PRDM16: variants seen among roughly 807,000 people sequenced by gnomAD.
The protein encoded by PRDM16 is histone-lysine N-methyltransferase PRDM16.
PRDM16 carries 23 observed loss-of-function variants against 110.6 expected under a neutral mutation model. The observed-to-expected ratio is 0.21, with a 90% CI of 0.15 to 0.29. The LOEUF (loss-of-function observed/expected upper bound fraction) is 0.29. Ranked by LOEUF, PRDM16 falls within the 10% of genes least tolerant of loss-of-function variation. PRDM16 has a pLI of 1.00. For missense variants in PRDM16, 1,615 were observed against 1,794.3 expected, an observed-to-expected ratio of 0.90 and a Z score of 1.81; for synonymous variants, 799 against 781.8, an observed-to-expected ratio of 1.02 and a Z score of -0.37.
intron 1 of PRDM16, among the ~76,000 whole-genome samples, chr1:3,082,832 G>T (rs928240586): frequency 1.3e-5 from 2 of 152,230 alleles, no homozygotes; most frequent in African/African-American, 4.8e-5. Flanking sequence ...GGAAAGCGAT[G>T]GGGCCGGCGC....
At chr1:3,239,188 G>A (rs1488592909) in intron 2 of PRDM16, among the ~76,000 whole-genome samples, 1 of 152,232 alleles carries the variant, frequency 6.6e-6, no homozygotes, top group Non-Finnish European at 1.5e-5. Flanking sequence ...AGAAAGGGAG[G>A]ATGTGTGGGT....
At chr1:3,396,230 CT>C in intron 4 of PRDM16, 1 of 532,892 alleles carries the variant, frequency 1.9e-6, no homozygotes, top group East Asian at 4.6e-5. Context: ...CAGCTGGGAA[CT>C]TTCATGTGGA....
intron 3 of PRDM16, among the ~76,000 whole-genome samples, chr1:3,321,735 A>G (rs182712291): frequency 1.3e-5 from 2 of 148,518 alleles, no homozygotes; most frequent in Non-Finnish European, 3.0e-5. Context: ...TGTGACGTAC[A>G]TGTGTGCGGT....
chr1:3,078,338 G>A (rs1438104518), intron 1 of PRDM16, among the ~76,000 whole-genome samples: 2 of 152,214 alleles, frequency 1.3e-5, no homozygotes, highest in South Asian at 2.1e-4. Flanking sequence ...GTGGCGAGTC[G>A]GGGCTCAGCA....
intron 4 of PRDM16, among the ~76,000 whole-genome samples, chr1:3,388,723 C>T (rs1326770318): frequency 6.6e-6 from 1 of 152,230 alleles, no homozygotes; most frequent in Non-Finnish European, 1.5e-5. Context: ...CTTAAGCAAA[C>T]TCTGGGGCCT....
chr1:3,250,166 G>A (rs909749429), intron 3 of PRDM16, among the ~76,000 whole-genome samples: 5 of 135,550 alleles, frequency 3.7e-5, no homozygotes, highest in Non-Finnish European at 4.6e-5. Flanking sequence ...CAACTGTTGC[G>A]GCTTGTCTGG....
At chr1:3,392,971 C>T (rs1643322073) in intron 4 of PRDM16, among the ~76,000 whole-genome samples, 1 of 152,228 alleles carries the variant, frequency 6.6e-6, no homozygotes, top group Non-Finnish European at 1.5e-5. Flanking sequence ...GTGTTGTTCA[C>T]CCACGTTCAG....
At chr1:3,184,650 G>A (rs987075392) in intron 1 of PRDM16, among the ~76,000 whole-genome samples, 14 of 152,104 alleles carry the variant, frequency 9.2e-5, no homozygotes, top group South Asian at 2.1e-4. Context: ...CCAGCAGTGC[G>A]ACCACCCCCT....
At chr1:3,417,773 C>A (rs1457168420) in intron 10 of PRDM16, 55 bp from the exon 11 acceptor site, 1 of 1,531,572 alleles carries the variant, frequency 6.5e-7, no homozygotes, top group Non-Finnish European at 9.0e-7. Context: ...GTGCGTGCCC[C>A]TGAAGACAGG....
At chr1:3,237,601 G>A (rs1209727204) in intron 2 of PRDM16, among the ~76,000 whole-genome samples, 2 of 152,232 alleles carry the variant, frequency 1.3e-5, no homozygotes, top group Non-Finnish European at 2.9e-5. Flanking sequence ...ATGAGGACAT[G>A]AAGGGGTGTG....
At chr1:3,344,321 A>G (rs1422199132) in intron 3 of PRDM16, among the ~76,000 whole-genome samples, 1 of 152,214 alleles carries the variant, frequency 6.6e-6, no homozygotes, top group Non-Finnish European at 1.5e-5. Context: ...CTAAAAAAAA[A>G]ACTAAGCCTA....
At chr1:3,146,506 A>AGTGTGTGTGCTCGGTGTGGG (rs1491148670) in intron 1 of PRDM16, among the ~76,000 whole-genome samples, 3 of 136,692 alleles carry the variant, frequency 2.2e-5, no homozygotes, top group African/African-American at 8.4e-5. Flanking sequence ...TATGTGTGCA[A>AGTGTGTGTGCTCGGTGTGGG]GTGTGTGTGC....
At chr1:3,388,789 T>C (rs2100613172) in intron 4 of PRDM16, among the ~76,000 whole-genome samples, 1 of 152,306 alleles carries the variant, frequency 6.6e-6, no homozygotes, top group South Asian at 2.1e-4. Context: ...AGGGGCACTT[T>C]GGAGGCGGGG....
At position 3,081,465 on chromosome 1, in the gene PRDM16, T is replaced by C. The variant is rs1278364801; in HGVS notation, c.37+12169T>C. Among the ~76,000 whole-genome samples, 2 of 152,170 alleles carry C rather than the reference T, an allele frequency of 1.3e-5. No individual in the cohort carries two copies. Among genetic ancestry groups the C allele is most frequent in the East Asian group, 3.9e-4 (2 of 5,170 alleles). Reference sequence around the variant, plus strand: ...CTCCTTGTCCCACCAGACCGAGCTGTGGCCGTGTGAGGAGCAGGGCTGAGG... The same window carrying C: ...CTCCTTGTCCCACCAGACCGAGCTGCGGCCGTGTGAGGAGCAGGGCTGAGG... On this transcript the variant is annotated intron_variant, in intron 1 of 16. Transcript: ENST00000270722. The surrounding 1 kb of genome is among the most constrained non-coding windows in gnomAD (Gnocchi z 4.6).
rs12090135 is a variant in PRDM16, at chr1:3,191,752, G to A, written c.387+5278G>A. ...AGGTGATAGGATGACGATGGAGTGGGGTGAGGGCAGCCCAGCCAGGCACCT... is the reference window on the plus strand; with the variant it reads ...AGGTGATAGGATGACGATGGAGTGGAGTGAGGGCAGCCCAGCCAGGCACCT... On this transcript the variant is annotated intron_variant, in intron 2 of 16. Coordinates refer to ENST00000270722, the MANE Select transcript of PRDM16 (RefSeq NM_022114.4). 1.2e-3 allele frequency among the ~76,000 whole-genome samples: 190 copies of A among 152,280 alleles called. 1 individual carries two copies. Among genetic ancestry groups the A allele is most frequent in the African/African-American group, 4.2e-3 (175 of 41,542 alleles).
chr1:3,074,119 C>T (rs1641835289), intron 1 of PRDM16, among the ~76,000 whole-genome samples: 1 of 152,364 alleles, frequency 6.6e-6, no homozygotes, highest in South Asian at 2.1e-4. Flanking sequence ...TGATCCGCAG[C>T]CCCGGCCCCT....
intron 1 of PRDM16, among the ~76,000 whole-genome samples, chr1:3,184,733 C>T (rs1226120255): frequency 2.0e-5 from 3 of 152,206 alleles, no homozygotes; most frequent in South Asian, 2.1e-4. Flanking sequence ...CCCCAGTCCC[C>T]GAGATCTCCC....
chr1:3,325,953 T>A (rs933112429), intron 3 of PRDM16, among the ~76,000 whole-genome samples: 1 of 145,622 alleles, frequency 6.9e-6, no homozygotes, highest in African/African-American at 2.6e-5. Context: ...TTGGCCATCC[T>A]CGACGATCCT....
intron 2 of PRDM16, among the ~76,000 whole-genome samples, chr1:3,225,549 T>A (rs1195087769): frequency 6.7e-6 from 1 of 148,706 alleles, no homozygotes; most frequent in African/African-American, 2.6e-5. Flanking sequence ...TGTGTGTGTG[T>A]GTGTGTGTGT....
Sources: allele counts gnomAD v4.1 joint callset (sites outside exome capture counted in the v4.1 genomes callset), GRCh38; gene constraint gnomAD v4.1.1; non-coding constraint Gnocchi (gnomAD v3.1); transcripts MANE v1.5; gene names NCBI Gene and HGNC (gene_info 2026-07-23, HGNC 2026-07-21).